Variants in ATL3 observed in about 807,000 individuals in gnomAD.
ATL3 encodes atlastin-3.
In ATL3, 49 loss-of-function variants were observed where a neutral mutation model predicts 69.5. The ratio of observed to expected loss-of-function variants is 0.71; its 90% CI spans 0.56 to 0.89. ATL3 has a LOEUF of 0.89. ATL3 is among the 40% of genes least tolerant of loss of function. The pLI, the probability that ATL3 is intolerant of heterozygous loss-of-function variation, is 0.00. For synonymous variants in ATL3, 214 were observed against 224.1 expected, an observed-to-expected ratio of 0.95 and a Z score of 0.40; for missense variants, 606 against 645.7, an observed-to-expected ratio of 0.94 and a Z score of 0.67.
At chr11:63,669,563 G>T (rs1208502015) in intron 1 of ATL3, among the ~76,000 whole-genome samples, 11 of 151,962 alleles carry the variant, frequency 7.2e-5, no homozygotes, top group Non-Finnish European at 2.9e-5. Flanking sequence ...AAAAGAAAAA[G>T]AAAATTAAGC....
At chr11:63,667,836 G>C (rs946521947) in intron 1 of ATL3, among the ~76,000 whole-genome samples, 2 of 151,672 alleles carry the variant, frequency 1.3e-5, no homozygotes, top group Non-Finnish European at 2.9e-5. Flanking sequence ...ATTGACATTG[G>C]AGCTGCACAA....
rs759000213 is a variant in ATL3, at chr11:63,629,343, T to G, written c.1602A>C (p.Pro534=). Residue 534 remains proline (P), a synonymous_variant, in exon 13 of 13, where the codon CCA becomes CCC. Coordinates refer to ENST00000398868, the MANE Select transcript of ATL3 (RefSeq NM_015459.5). ...GCTATTGAGCTTTTTTATCCATGGA[T>G]GGTCTTCCAACAACTGCATCCCTCA... is the stretch of plus-strand genomic sequence containing the variant. ...ATVRDAVVGR[P]SMDKKAQ 1.2e-6 allele frequency: 2 copies of G among 1,614,144 alleles called. No homozygotes were observed. Among genetic ancestry groups the G allele is most frequent in the Admixed American group, 3.3e-5 (2 of 60,022 alleles).
chr11:63,631,519 A>T, intron 11 of ATL3, 48 bp from the exon 12 acceptor site: 1 of 1,456,468 alleles, frequency 6.9e-7, no homozygotes, highest in South Asian at 1.3e-5. Flanking sequence ...TTCAAAAACA[A>T]GTGCCAAATA....
chr11:63,632,036 C>G (rs1348835955), intron 11 of ATL3, among the ~76,000 whole-genome samples: 1 of 152,138 alleles, frequency 6.6e-6, no homozygotes, highest in Non-Finnish European at 1.5e-5. Flanking sequence ...GAAAGGCCCA[C>G]CTGTGTCCTG....
At chr11:63,635,466 T>C (rs1399655664) in intron 10 of ATL3, 68 bp downstream of exon 10, 3 of 1,305,074 alleles carry the variant, frequency 2.3e-6, no homozygotes, top group Non-Finnish European at 3.3e-6. Flanking sequence ...TAAAGAACTC[T>C]GCTTATTGTA....
At chr11:63,668,230 T>C (rs776068629) in intron 1 of ATL3, among the ~76,000 whole-genome samples, 12 of 152,220 alleles carry the variant, frequency 7.9e-5, no homozygotes, top group Non-Finnish European at 1.5e-4. Context: ...ACCATTTTCA[T>C]GCCTTGTTCT....
At chr11:63,644,404 T>TA (rs1198850327) in intron 6 of ATL3, 143 bp from the exon 7 acceptor site, 24 of 508,866 alleles carry the variant, frequency 4.7e-5, no homozygotes, top group African/African-American at 3.8e-4. Context: ...TTTTTTTTTT[T>TA]AAAGAGATTG....
rs1940769920 is a variant in ATL3 at position 63,671,340 on chromosome 11, C to A, written c.-5G>T. ...CACTCGCTGAGGGGACAACATGGAG[C>A]CTCCGCCTTCAAAGCAGAAGCAGCA... is the stretch of plus-strand genomic sequence containing the variant. On this transcript the variant is annotated 5_prime_UTR_variant, in exon 1 of 13. Coordinates refer to ENST00000398868, the MANE Select transcript of ATL3 (RefSeq NM_015459.5). 1.3e-6 allele frequency: 2 copies of A among 1,581,094 alleles called. No individual in the cohort carries two copies. The highest frequency in any genetic ancestry group is 1.8e-5 in the Admixed American group (1 of 56,496).
chr11:63,660,448 C>T (rs546338882), intron 1 of ATL3, among the ~76,000 whole-genome samples: 1 of 152,152 alleles, frequency 6.6e-6, no homozygotes, highest in Non-Finnish European at 1.5e-5. Flanking sequence ...ATGAAGCAAC[C>T]GCAATTCTCA....
At chr11:63,634,202 AAG>A (rs1491035492) in intron 10 of ATL3, among the ~76,000 whole-genome samples, 74 of 125,278 alleles carry the variant, frequency 5.9e-4, no homozygotes, top group African/African-American at 1.9e-3. Flanking sequence ...AAAAAAAAAA[AAG>A]AAGAAGAAGA....
At chr11:63,657,423 G>C (rs1940289686) in intron 3 of ATL3, among the ~76,000 whole-genome samples, 1 of 152,164 alleles carries the variant, frequency 6.6e-6, no homozygotes. Flanking sequence ...AGGGGATAGT[G>C]AATGCCCACC....
intron 11 of ATL3, chr11:63,632,484 G>A: frequency 1.2e-6 from 1 of 858,468 alleles, no homozygotes; most frequent in East Asian, 2.4e-5. Flanking sequence ...TAACTGGTTT[G>A]GAAGGAGACA....
At position 63,625,242 on chromosome 11, in the gene ATL3, T is replaced by C. The variant is rs1431289225; in HGVS notation, c.*4077A>G. ...GAAGCTTGTCTTCATTATGCCCTTA[T>C]CCCTTGACTAGAATTTTGTTAAATA... is the stretch of plus-strand genomic sequence containing the variant. On this transcript the variant is annotated 3_prime_UTR_variant, in exon 13 of 13. Coordinates refer to ENST00000398868, the MANE Select transcript of ATL3 (RefSeq NM_015459.5). The C allele has an allele frequency of 6.6e-6, 1 of 152,178 alleles. No homozygotes were observed. The highest frequency in any genetic ancestry group is 1.5e-5 in the Non-Finnish European group (1 of 68,026). The allele number at this position is 152,178 out of a possible 1,614,324, so 9.4% of individuals were successfully genotyped here.
chr11:63,644,108 G>T, intron 7 of ATL3, 61 bp downstream of exon 7: 1 of 1,145,990 alleles, frequency 8.7e-7, no homozygotes, highest in Non-Finnish European at 1.3e-6. Flanking sequence ...ATAGCCAAAA[G>T]CAAATGAGAA....
chr11:63,668,898 C>T (rs187482575), intron 1 of ATL3, among the ~76,000 whole-genome samples: 6 of 142,626 alleles, frequency 4.2e-5, no homozygotes, highest in East Asian at 2.1e-4. Flanking sequence ...AAAAAAAAGG[C>T]TCACTGCAGC....
At chr11:63,656,275 G>A (rs764502714) in intron 3 of ATL3, among the ~76,000 whole-genome samples, 14 of 150,758 alleles carry the variant, frequency 9.3e-5, no homozygotes, top group Non-Finnish European at 1.3e-4. Flanking sequence ...CTCAAAAACA[G>A]TGATAAAATC....
intron 8 of ATL3, among the ~76,000 whole-genome samples, chr11:63,642,589 C>T (rs1939735457): frequency 6.6e-6 from 1 of 152,190 alleles, no homozygotes; most frequent in African/African-American, 2.4e-5. Context: ...TACGCCTCAC[C>T]ACTTACTTAA....
intron 3 of ATL3, among the ~76,000 whole-genome samples, chr11:63,655,738 G>A (rs372915532): frequency 3.3e-5 from 5 of 151,540 alleles, no homozygotes; most frequent in Non-Finnish European, 1.5e-5. Flanking sequence ...GCGCCACCGC[G>A]CCGGCCAAAG....
chr11:63,635,438 A>G lies in ATL3; in HGVS notation c.1035+96T>C, dbSNP rs1276372309. 4 of 1,105,764 alleles carry G rather than the reference A, an allele frequency of 3.6e-6. No homozygotes were observed. The East Asian group carries it at 9.6e-5, about 26-fold the overall frequency. 68.5% of individuals were successfully genotyped at this position (1,105,764 alleles called of 1,614,324 possible). On this transcript the variant is annotated intron_variant, in intron 10 of 12. Coordinates refer to ENST00000398868, the MANE Select transcript of ATL3 (RefSeq NM_015459.5). ...GACCTCAGCATGATGAAAAAGGAGA[A>G]AAAGTGCATTCTCTTCCTAAAGAAC...
Sources: allele counts gnomAD v4.1 joint callset (sites outside exome capture counted in the v4.1 genomes callset), GRCh38; gene constraint gnomAD v4.1.1; transcripts MANE v1.5; gene names NCBI Gene and HGNC (gene_info 2026-07-23, HGNC 2026-07-21).